Variants in PALLD observed in about 807,000 individuals in gnomAD.
The protein encoded by PALLD is palladin, cytoskeletal associated protein.
A neutral mutation model predicts 123.5 loss-of-function variants in PALLD; 61 were observed. That is an observed-to-expected ratio of 0.49 (90% CI 0.40 to 0.61). The LOEUF is 0.61. Ranked by LOEUF, PALLD falls within the 20% of genes least tolerant of loss-of-function variation. The pLI is 0.00. For missense variants in PALLD, 1,273 were observed against 1,377.0 expected (o/e 0.92, Z 1.20); for synonymous variants, 465 against 496.4 (o/e 0.94, Z 0.84).
At chr4:168,538,220 G>A (rs1180210266) in intron 2 of PALLD, among the ~76,000 whole-genome samples, 1 of 152,170 alleles carries the variant, frequency 6.6e-6, no homozygotes, top group African/African-American at 2.4e-5. Flanking sequence ...ATTATAAAAT[G>A]TGCCTCATGA....
intron 10 of PALLD, among the ~76,000 whole-genome samples, chr4:168,744,254 A>G (rs1788642491): frequency 6.6e-6 from 1 of 152,130 alleles, no homozygotes; most frequent in African/African-American, 2.4e-5. Flanking sequence ...CTGCTAACAG[A>G]TGACTCCTTG....
chr4:168,889,578 AG>A (rs1753871929), intron 10 of PALLD, among the ~76,000 whole-genome samples: 1 of 152,216 alleles, frequency 6.6e-6, no homozygotes, highest in African/African-American at 2.4e-5. Flanking sequence ...ATCCATTTCT[AG>A]TACCTTTGAA....
Position 168,668,119 on chromosome 4 carries a change from T to C in PALLD, c.909-71T>C, listed in dbSNP as rs920031537. The C allele has an allele frequency of 1.3e-5, 16 of 1,237,152 alleles. No homozygotes were observed. The African/African-American group carries it at 2.4e-4, about 18-fold the overall frequency. The allele number at this position is 1,237,152 out of a possible 1,614,324, so 76.6% of individuals were successfully genotyped here. On this transcript the variant is annotated intron_variant, in intron 2 of 21. Coordinates refer to ENST00000505667, the MANE Select transcript of PALLD (RefSeq NM_001166108.2). Reference sequence around the variant, plus strand: ...TTGCATAGCAACCAGCCTTCACTTCTGCTTTATTGTTTTAAACATCACCAT... The same window carrying C: ...TTGCATAGCAACCAGCCTTCACTTCCGCTTTATTGTTTTAAACATCACCAT...
intron 10 of PALLD, among the ~76,000 whole-genome samples, chr4:168,773,696 C>T (rs933679017): frequency 3.3e-5 from 5 of 152,156 alleles, no homozygotes; most frequent in Admixed American, 3.3e-4. Flanking sequence ...ATGCCAAGAC[C>T]TGCTGATTTT....
chr4:168,761,004 G>A (rs990410894), intron 10 of PALLD, among the ~76,000 whole-genome samples: 4 of 152,126 alleles, frequency 2.6e-5, no homozygotes, highest in Non-Finnish European at 4.4e-5. Flanking sequence ...AGAAATGTCC[G>A]ATGCATTTTT....
Position 168,922,102 on chromosome 4 carries a change from TACACACACACACACACACACACAC to T in PALLD, c.3058+380_3058+403del, listed in dbSNP as rs35503011. Among the ~76,000 whole-genome samples, 21 of 132,630 alleles carry T rather than the reference TACACACACACACACACACACACAC, an allele frequency of 1.6e-4. No homozygotes were observed. The East Asian group carries it at 3.1e-3, about 19-fold the overall frequency. The allele number at this position is 132,630 out of a possible 152,430, so 87.0% of individuals were successfully genotyped here. A position where few individuals can be genotyped will look rare whatever the true frequency, so the allele number is the denominator to read the frequency against. ...TTTTATATTTATATATATATATATA[TACACACACACACACACACACACAC>T]ACACACACACACACACACCTGGTTT... On this transcript the variant is annotated intron_variant, in intron 18 of 21. Coordinates refer to ENST00000505667, the MANE Select transcript of PALLD (RefSeq NM_001166108.2).
At chr4:168,871,822 G>C (rs952172156) in intron 10 of PALLD, among the ~76,000 whole-genome samples, 1 of 152,180 alleles carries the variant, frequency 6.6e-6, no homozygotes, top group Non-Finnish European at 1.5e-5. Flanking sequence ...GGCAAAGCCT[G>C]TCCCTTATCA....
intron 2 of PALLD, among the ~76,000 whole-genome samples, chr4:168,654,329 GC>G (rs1350481227): frequency 1.3e-5 from 2 of 151,818 alleles, no homozygotes; most frequent in African/African-American, 4.8e-5. Context: ...GTCTCTAAGT[GC>G]CTCTGAAGCC....
At chr4:168,631,368 C>T (rs1361106056) in intron 2 of PALLD, among the ~76,000 whole-genome samples, 2 of 152,220 alleles carry the variant, frequency 1.3e-5, no homozygotes, top group Non-Finnish European at 2.9e-5. Flanking sequence ...TTAGGGAATG[C>T]CTCAAACCAC....
intron 2 of PALLD, among the ~76,000 whole-genome samples, chr4:168,618,869 A>G (rs754833654): frequency 6.6e-6 from 1 of 152,220 alleles, no homozygotes; most frequent in Non-Finnish European, 1.5e-5. Flanking sequence ...TTAGGTCCTT[A>G]TAAATCCCAG....
At chr4:168,642,693 C>A (rs1038329999) in intron 2 of PALLD, among the ~76,000 whole-genome samples, 1 of 152,252 alleles carries the variant, frequency 6.6e-6, no homozygotes, top group Non-Finnish European at 1.5e-5. Flanking sequence ...TGAGCCACCA[C>A]GCCTGGCAGG....
chr4:168,819,920 A>G (rs1440303963), intron 10 of PALLD, among the ~76,000 whole-genome samples: 2 of 152,264 alleles, frequency 1.3e-5, no homozygotes, highest in Non-Finnish European at 2.9e-5. Context: ...GCAGGGTCTC[A>G]TAAAGAGTTA....
intron 2 of PALLD, among the ~76,000 whole-genome samples, chr4:168,629,653 T>G (rs1013493991): frequency 1.3e-4 from 20 of 150,160 alleles, no homozygotes; most frequent in Non-Finnish European, 4.4e-5. Flanking sequence ...CTGGGTGGGG[T>G]AGATCACCCT....
At chr4:168,536,630 G>C (rs1331793290) in intron 2 of PALLD, 1 of 152,140 alleles carries the variant, frequency 6.6e-6, no homozygotes, top group Non-Finnish European at 1.5e-5. Flanking sequence ...AGCAAAGCGA[G>C]GAAGAGCCCC....
intron 14 of PALLD, among the ~76,000 whole-genome samples, chr4:168,902,567 G>A (rs1295274028): frequency 6.6e-6 from 1 of 152,008 alleles, no homozygotes; most frequent in Non-Finnish European, 1.5e-5. Flanking sequence ...GTTTGAACCT[G>A]GGAGGCGGAG....
intron 2 of PALLD, among the ~76,000 whole-genome samples, chr4:168,638,610 C>A (rs1345423578): frequency 2.0e-5 from 3 of 152,140 alleles, no homozygotes; most frequent in African/African-American, 7.2e-5. Context: ...CTGAAAAGTC[C>A]AAGGTGAAGG....
At chr4:168,877,546 T>C (rs1477640852) in intron 10 of PALLD, among the ~76,000 whole-genome samples, 2 of 152,224 alleles carry the variant, frequency 1.3e-5, no homozygotes, top group Admixed American at 1.3e-4. Context: ...GACTTAGCGC[T>C]TGGTCCAGAA....
intron 2 of PALLD, among the ~76,000 whole-genome samples, chr4:168,636,583 A>G (rs745562949): frequency 6.6e-6 from 1 of 151,936 alleles, no homozygotes. Context: ...TATAGAACTC[A>G]CTCTCCTCAT....
intron 2 of PALLD, among the ~76,000 whole-genome samples, chr4:168,573,975 A>G (rs1263620172): frequency 6.6e-6 from 1 of 151,734 alleles, no homozygotes; most frequent in African/African-American, 2.4e-5. Context: ...TCAGCTTGCC[A>G]GGATAGCTAC....
Sources: gnomAD v4.1 joint callset for allele counts (sites outside exome capture counted in the v4.1 genomes callset) on GRCh38, gnomAD v4.1.1 for gene constraint, MANE v1.5 for transcripts, NCBI Gene and HGNC (gene_info 2026-07-23, HGNC 2026-07-21) for gene names.